TXNDC11: variants seen among roughly 807,000 people sequenced by gnomAD.
The protein encoded by TXNDC11 is thioredoxin domain containing 11.
In TXNDC11, 68 loss-of-function variants were observed where a neutral mutation model predicts 78.0. The observed-to-expected ratio is 0.87, with a 90% CI of 0.72 to 1.07. TXNDC11 has a LOEUF of 1.07. Ranked by LOEUF, TXNDC11 falls within the 50% of genes least tolerant of loss-of-function variation. The pLI is 0.00. For synonymous variants in TXNDC11, 571 were observed against 495.2 expected, an observed-to-expected ratio of 1.15 and a Z score of -2.03; for missense variants, 1,389 against 1,221.8, an observed-to-expected ratio of 1.14 and a Z score of -2.04.
At chr16:11,692,125 G>C in intron 7 of TXNDC11, 43 bp from the exon 8 acceptor site, 1 of 1,461,808 alleles carries the variant, frequency 6.8e-7, no homozygotes, top group Non-Finnish European at 9.2e-7. Flanking sequence ...GGGGATGACT[G>C]AGGGACTAGC....
At chr16:11,733,271 T>C (rs1426616290) in intron 3 of TXNDC11, among the ~76,000 whole-genome samples, 1 of 151,336 alleles carries the variant, frequency 6.6e-6, no homozygotes. Flanking sequence ...TAAAATAAAA[T>C]AAAATAAGAT....
intron 2 of TXNDC11, among the ~76,000 whole-genome samples, chr16:11,734,287 T>G (rs556944351): frequency 6.1e-4 from 93 of 152,338 alleles, no homozygotes; most frequent in African/African-American, 2.1e-3. Flanking sequence ...CAGGCAGGAC[T>G]TGGACCGTGT....
Position 11,679,330 on chromosome 16 carries a change from C to T in TXNDC11, c.2742G>A (p.Leu914=), listed in dbSNP as rs144456902. Residue 914 remains leucine (L), a synonymous_variant, in exon 12 of 12, where the codon CTG becomes CTA. Transcript: ENST00000283033. The surrounding 1 kb of genome is among the most constrained non-coding windows in gnomAD (Gnocchi z 4.6). ...KLEGRDGAES[L]AAQREVHPKQ... is the part of the protein sequence containing the mutation. ...TGGGGTGGACCTCTCTCTGGGCCGC[C>T]AGGCTTTCAGCTCCATCCCTGCCCT... 12 of 1,612,496 alleles carry T rather than the reference C, an allele frequency of 7.4e-6. No individual in the cohort carries two copies. The African/African-American group carries it at 1.5e-4, about 20-fold the overall frequency.
intron 1 of TXNDC11, among the ~76,000 whole-genome samples, chr16:11,738,503 T>C (rs943226691): frequency 6.6e-6 from 1 of 152,168 alleles, no homozygotes; most frequent in Non-Finnish European, 1.5e-5. Context: ...AATAAAAATA[T>C]ACTAAATGCT....
chr16:11,728,055 G>A (rs763957858), intron 4 of TXNDC11, among the ~76,000 whole-genome samples: 2 of 152,106 alleles, frequency 1.3e-5, no homozygotes, highest in East Asian at 1.9e-4. Context: ...CGTCAACTGC[G>A]CCAAGGTTGA....
intron 5 of TXNDC11, among the ~76,000 whole-genome samples, chr16:11,718,700 G>T (rs527770561): frequency 6.6e-6 from 1 of 151,962 alleles, no homozygotes; most frequent in Non-Finnish European, 1.5e-5. Flanking sequence ...AAAAAAATGG[G>T]GTGAAAAGGA....
chr16:11,699,489 C>T (rs979125069), intron 6 of TXNDC11, among the ~76,000 whole-genome samples: 5 of 152,324 alleles, frequency 3.3e-5, no homozygotes, highest in African/African-American at 4.8e-5. Context: ...CAAGGTGGGA[C>T]GATGGGAGTT....
chr16:11,742,232 C>T lies in TXNDC11; in HGVS notation c.254+245G>A, dbSNP rs149616198. On this transcript the variant is annotated intron_variant, in intron 1 of 11. Transcript: ENST00000283033. ...AGGAGCACCCCCGACCCGCCTCCCT[C>T]GGCACTAAAGCGGGACGATAGGGCG... 1,987 of 427,688 alleles carry T rather than the reference C, an allele frequency of 4.6e-3. 34 individuals carry two copies. The highest frequency in any genetic ancestry group is 0.034 in the African/African-American group (1,648 of 48,352). The allele number at this position is 427,688 out of a possible 1,614,324, so 26.5% of individuals were successfully genotyped here. A position where few individuals can be genotyped will look rare whatever the true frequency, so the allele number is the denominator to read the frequency against.
At chr16:11,711,955 A>T (rs767789108) in intron 5 of TXNDC11, among the ~76,000 whole-genome samples, 3 of 152,230 alleles carry the variant, frequency 2.0e-5, no homozygotes, top group Non-Finnish European at 2.9e-5. Context: ...GTGGCCAAGG[A>T]CAGACCAGAA....
intron 7 of TXNDC11, chr16:11,692,317 G>A (rs558924972): frequency 2.0e-5 from 9 of 460,604 alleles, no homozygotes; most frequent in Admixed American, 3.9e-5. Context: ...TTTGTCCAGC[G>A]TGTCCATGCT....
chr16:11,693,827 T>G (rs758858770), intron 7 of TXNDC11, among the ~76,000 whole-genome samples: 28 of 152,178 alleles, frequency 1.8e-4, no homozygotes, highest in Non-Finnish European at 2.9e-4. Context: ...AGAGCCCAGA[T>G]GCCCTCTGGC....
chr16:11,742,772 T>C lies in TXNDC11; in HGVS notation c.-42A>G. On this transcript the variant is annotated 5_prime_UTR_variant, in exon 1 of 12. Transcript: ENST00000283033. ...CCGGCTTTATACCGCCGCCGCCGCC[T>C]CGGGCCCGAAGGCCCGGCCCGGCCC... is the stretch of plus-strand genomic sequence containing the variant. 1 of 1,416,794 alleles carries C rather than the reference T, an allele frequency of 7.1e-7. No homozygotes were observed. The allele number at this position is 1,416,794 out of a possible 1,614,324, so 87.8% of individuals were successfully genotyped here. A position where few individuals can be genotyped will look rare whatever the true frequency, so the allele number is the denominator to read the frequency against.
Position 11,691,450 on chromosome 16 carries a change from G to C in TXNDC11, c.1740C>G (p.Leu580=). ...TGLSCRTNKT[L]NIYLLDSNLF... ...AATTTGAATCCAAAAGGTAGATGTT[G>C]AGAGTCTTGTTGGTTCTGCAGCTCA... Residue 580 remains leucine (L), a synonymous_variant, in exon 8 of 12, where the codon CTC becomes CTG. Coordinates refer to ENST00000283033, the MANE Select transcript of TXNDC11 (RefSeq NM_015914.7). The C allele has an allele frequency of 6.2e-7, 1 of 1,614,220 alleles. No homozygotes were observed. The highest frequency in any genetic ancestry group is 8.5e-7 in the Non-Finnish European group (1 of 1,180,032).
intron 8 of TXNDC11, 24 bp downstream of exon 8, chr16:11,691,266 G>C (rs767533680): frequency 3.2e-6 from 5 of 1,582,112 alleles, no homozygotes; most frequent in African/African-American, 1.4e-5. Flanking sequence ...TACAATGCTT[G>C]GGGAAATAAA....
Position 11,684,236 on chromosome 16 carries a change from C to T in TXNDC11, c.2163G>A (p.Val721=), listed in dbSNP as rs1438936944. The change falls in exon 11 of 12, where the codon GTG becomes GTA. Residue 721 remains valine (V), a synonymous_variant. Transcript: ENST00000283033. Reference sequence around the variant, plus strand: ...ATTCCCAAGGAAGGTCATTCTGAGACACGTCAATCCTGGTAAAGGGAAAGA... The same window carrying T: ...ATTCCCAAGGAAGGTCATTCTGAGATACGTCAATCCTGGTAAAGGGAAAGA... ...MDTFTVARID[V]SQNDLPWEFM... The T allele has an allele frequency of 4.3e-6, 7 of 1,612,894 alleles. No individual in the cohort carries two copies. The highest frequency in any genetic ancestry group is 5.9e-6 in the Non-Finnish European group (7 of 1,179,094).
intron 5 of TXNDC11, among the ~76,000 whole-genome samples, chr16:11,712,929 AACACACACAC>A (rs111887849): frequency 7.7e-5 from 11 of 141,982 alleles, no homozygotes; most frequent in East Asian, 2.0e-4. Context: ...TTCCACTTAA[AACACACACAC>A]ACACACACAC....
At chr16:11,688,554 AT>A in intron 8 of TXNDC11, 109 bp from the exon 9 acceptor site, 1 of 932,642 alleles carries the variant, frequency 1.1e-6, no homozygotes, top group Non-Finnish European at 1.5e-6. Context: ...ATAGGCTCAC[AT>A]TTTTAACATT....
chr16:11,702,817 C>A (rs60133386), intron 5 of TXNDC11, among the ~76,000 whole-genome samples: 3,017 of 152,290 alleles, frequency 0.02, 106 homozygotes, highest in African/African-American at 0.069. Context: ...CCCCATCTTT[C>A]AGTGGTGTGG....
intron 5 of TXNDC11, among the ~76,000 whole-genome samples, chr16:11,701,446 C>A (rs1359898962): frequency 6.6e-6 from 1 of 152,090 alleles, no homozygotes; most frequent in African/African-American, 2.4e-5. Flanking sequence ...CCAATTTCCT[C>A]TTCTGACTGT....
Sources: gnomAD v4.1 joint callset for allele counts (sites outside exome capture counted in the v4.1 genomes callset) on GRCh38, gnomAD v4.1.1 for gene constraint, Gnocchi (gnomAD v3.1) non-coding constraint, MANE v1.5 for transcripts, NCBI Gene and HGNC (gene_info 2026-07-23, HGNC 2026-07-21) for gene names.